The following SCFD2 variants were observed in gnomAD, a reference collection of about 807,000 sequenced individuals.
The protein encoded by SCFD2 is sec1 family domain-containing protein 2.
Under a neutral mutation model 58.9 loss-of-function variants are expected in SCFD2, and 54 were observed. The ratio of observed to expected loss-of-function variants is 0.92; its 90% CI spans 0.74 to 1.15. The LOEUF (loss-of-function observed/expected upper bound fraction) is 1.15, where lower values mean the gene tolerates loss of function less well. SCFD2 is among the 50% of genes most tolerant of loss of function. The pLI is 0.00. For synonymous variants in SCFD2, 321 were observed against 335.9 expected, an observed-to-expected ratio of 0.96 and a Z score of 0.49; for missense variants, 805 against 836.6, an observed-to-expected ratio of 0.96 and a Z score of 0.47.
intron 5 of SCFD2, among the ~76,000 whole-genome samples, chr4:53,138,564 T>G (rs1299986454): frequency 6.6e-6 from 1 of 152,190 alleles, no homozygotes; most frequent in East Asian, 1.9e-4. Flanking sequence ...AATTTTCTTT[T>G]TACAGCTCCC....
intron 7 of SCFD2, among the ~76,000 whole-genome samples, chr4:52,906,592 C>T (rs1444379351): frequency 6.6e-6 from 1 of 152,184 alleles, no homozygotes; most frequent in Non-Finnish European, 1.5e-5. Flanking sequence ...AGGAAGGAGA[C>T]CTGCAGGTCC....
intron 5 of SCFD2, among the ~76,000 whole-genome samples, chr4:53,086,355 T>G (rs191995154): frequency 6.6e-6 from 1 of 152,196 alleles, no homozygotes; most frequent in Admixed American, 6.5e-5. Flanking sequence ...TCAGTTAAAA[T>G]GACTTTTATC....
At chr4:53,310,323 G>T (rs1732653243) in intron 3 of SCFD2, among the ~76,000 whole-genome samples, 1 of 152,180 alleles carries the variant, frequency 6.6e-6, no homozygotes, top group African/African-American at 2.4e-5. Context: ...TAATAGAATA[G>T]TTCTGTCACC....
intron 5 of SCFD2, among the ~76,000 whole-genome samples, chr4:52,939,433 G>A (rs1286847356): frequency 1.3e-5 from 2 of 152,104 alleles, no homozygotes; most frequent in Non-Finnish European, 2.9e-5. Flanking sequence ...ATTATACTAT[G>A]TTGTCTATAA....
chr4:53,331,237 C>G (rs1577975042), intron 2 of SCFD2, among the ~76,000 whole-genome samples: 2 of 151,142 alleles, frequency 1.3e-5, no homozygotes, highest in South Asian at 4.3e-4. Flanking sequence ...AGCTCTGCAC[C>G]AAGCGGACCT....
chr4:52,948,206 G>A (rs568401359), intron 5 of SCFD2: 1 of 237,534 alleles, frequency 4.2e-6, no homozygotes, highest in Non-Finnish European at 8.5e-6. Flanking sequence ...TTACATGCCT[G>A]GAACACAGCA....
chr4:53,179,816 C>A (rs1204046602), intron 4 of SCFD2, among the ~76,000 whole-genome samples: 1 of 152,018 alleles, frequency 6.6e-6, no homozygotes, highest in Non-Finnish European at 1.5e-5. Flanking sequence ...ACCTACCAAG[C>A]AAATGGAAAA....
chr4:53,251,651 G>C (rs1281056809), intron 4 of SCFD2, among the ~76,000 whole-genome samples: 2 of 152,052 alleles, frequency 1.3e-5, no homozygotes, highest in African/African-American at 4.8e-5. Context: ...TATCTCAATA[G>C]ATGCAGAAAA....
intron 3 of SCFD2, among the ~76,000 whole-genome samples, chr4:53,290,263 A>G (rs981213206): frequency 7.9e-5 from 12 of 152,190 alleles, no homozygotes; most frequent in Admixed American, 2.0e-4. Context: ...TCACAGTCAT[A>G]TCAAGTATTG....
chr4:52,942,586 G>A (rs1423420732), intron 5 of SCFD2, among the ~76,000 whole-genome samples: 2 of 152,126 alleles, frequency 1.3e-5, no homozygotes, highest in Non-Finnish European at 2.9e-5. Context: ...GGTGATAAAA[G>A]TACCTCCTTC....
At chr4:53,156,398 CAAA>C (rs1171962847) in intron 4 of SCFD2, among the ~76,000 whole-genome samples, 8 of 99,866 alleles carry the variant, frequency 8.0e-5, no homozygotes, top group Admixed American at 2.1e-4. Flanking sequence ...AGACTCAACT[CAAA>C]AAAAAAAAAA....
chr4:53,164,220 G>A (rs901238624), intron 4 of SCFD2, among the ~76,000 whole-genome samples: 15 of 152,116 alleles, frequency 9.9e-5, no homozygotes, highest in East Asian at 3.9e-4. Context: ...GGTGTGCGAG[G>A]TATATTTATG....
chr4:53,203,000 T>C (rs1728298483), intron 4 of SCFD2, among the ~76,000 whole-genome samples: 1 of 152,212 alleles, frequency 6.6e-6, no homozygotes, highest in African/African-American at 2.4e-5. Flanking sequence ...CCTCTTTTCC[T>C]AATTGAATGC....
At chr4:53,338,480 C>G (rs1733748170) in intron 2 of SCFD2, among the ~76,000 whole-genome samples, 1 of 148,634 alleles carries the variant, frequency 6.7e-6, no homozygotes, top group Non-Finnish European at 1.5e-5. Context: ...AGCACTAAGA[C>G]AGAAATGATA....
At chr4:53,182,813 A>AT (rs1403562867) in intron 4 of SCFD2, among the ~76,000 whole-genome samples, 1 of 152,084 alleles carries the variant, frequency 6.6e-6, no homozygotes, top group Non-Finnish European at 1.5e-5. Flanking sequence ...ACAAGAAAAA[A>AT]AAAACAACCC....
chr4:53,201,967 C>G (rs1220579235), intron 4 of SCFD2, among the ~76,000 whole-genome samples: 1 of 152,086 alleles, frequency 6.6e-6, no homozygotes, highest in East Asian at 1.9e-4. Context: ...TTCTCCCATT[C>G]TGAAGGTTGC....
At chr4:53,149,855 C>T (rs911782630) in intron 4 of SCFD2, among the ~76,000 whole-genome samples, 1 of 152,074 alleles carries the variant, frequency 6.6e-6, no homozygotes, top group Non-Finnish European at 1.5e-5. Flanking sequence ...CTGGCCAGTA[C>T]TCCAAATTAT....
In SCFD2 at chr4:53,174,237, T is replaced by TA. The variant is rs199771115; in HGVS notation, c.1312-28656dup. Among the ~76,000 whole-genome samples the TA allele has an allele frequency of 8.5e-3, 1,289 of 151,672 alleles. 23 individuals carry two copies. The highest frequency in any genetic ancestry group is 0.03 in the African/African-American group (1,242 of 41,376). ...ACATGTTTAATTAGAATTGCTAAAT[T>TA]AAAAAAATGAAGAGGAGACATAATA... On this transcript the variant is annotated intron_variant, in intron 4 of 8. Transcript: ENST00000401642.
intron 5 of SCFD2, among the ~76,000 whole-genome samples, chr4:52,983,183 T>C (rs1458985497): frequency 6.6e-6 from 1 of 152,174 alleles, no homozygotes; most frequent in Non-Finnish European, 1.5e-5. Context: ...GCACGATAAC[T>C]CTTTGCCTAG....
Sources: allele counts gnomAD v4.1 joint callset (sites outside exome capture counted in the v4.1 genomes callset), GRCh38; gene constraint gnomAD v4.1.1; transcripts MANE v1.5; gene names NCBI Gene and HGNC (gene_info 2026-07-23, HGNC 2026-07-21).